PTPRO: variants seen among roughly 807,000 people sequenced by gnomAD.
PTPRO encodes receptor-type tyrosine-protein phosphatase O.
A neutral mutation model predicts 145.2 loss-of-function variants in PTPRO; 62 were observed. The ratio of observed to expected loss-of-function variants is 0.43; its 90% CI spans 0.35 to 0.53. The LOEUF (loss-of-function observed/expected upper bound fraction) is 0.53, where lower values mean the gene tolerates loss of function less well. PTPRO is among the 20% of genes least tolerant of loss of function. The probability of loss-of-function intolerance (pLI) is 0.01; values close to 1 mark genes in which losing one functional copy is unlikely to be tolerated. For synonymous variants in PTPRO, 565 were observed against 514.7 expected (o/e 1.10, Z -1.32); for missense variants, 1,345 against 1,482.7 (o/e 0.91, Z 1.53).
intron 12 of PTPRO, among the ~76,000 whole-genome samples, chr12:15,541,816 A>G (rs773703624): frequency 4.4e-4 from 67 of 152,172 alleles, no homozygotes; most frequent in Non-Finnish European, 8.8e-4. Context: ...GTTCGATACC[A>G]GCCTGGCCAA....
chr12:15,473,908 A>G (rs1356618567), intron 1 of PTPRO, among the ~76,000 whole-genome samples: 1 of 152,096 alleles, frequency 6.6e-6, no homozygotes, highest in Non-Finnish European at 1.5e-5. Flanking sequence ...CAAAAATTCC[A>G]TGAGTTTTAG....
intron 1 of PTPRO, among the ~76,000 whole-genome samples, chr12:15,437,888 C>T (rs1940643953): frequency 1.3e-5 from 2 of 152,200 alleles, no homozygotes; most frequent in Non-Finnish European, 1.5e-5. Context: ...TGGTCCCACC[C>T]TTTATGGCTC....
intron 14 of PTPRO, among the ~76,000 whole-genome samples, chr12:15,551,071 G>A (rs1441630572): frequency 1.3e-5 from 2 of 152,106 alleles, no homozygotes; most frequent in Non-Finnish European, 2.9e-5. Context: ...TTCAGCAGAT[G>A]GTAGTTTGCT....
Position 15,586,923 on chromosome 12 carries a change from T to C in PTPRO, c.3282T>C (p.His1094=). ...NYADEMQDVM[H]FNYTAWPDHG... Reference sequence around the variant, plus strand: ...CTGACGAGATGCAGGATGTGATGCATTTTAACTACACTGCATGGCCTGATC... The same window carrying C: ...CTGACGAGATGCAGGATGTGATGCACTTTAACTACACTGCATGGCCTGATC... Residue 1094 remains histidine, a synonymous_variant, in exon 24 of 27, where the codon CAT becomes CAC. Coordinates refer to ENST00000281171, the MANE Select transcript of PTPRO (RefSeq NM_030667.3). 6.2e-7 allele frequency: 1 copy of C among 1,614,110 alleles called. No homozygotes were observed. Among genetic ancestry groups the C allele is most frequent in the East Asian group, 2.2e-5 (1 of 44,864 alleles).
chr12:15,432,881 A>G (rs904703736), intron 1 of PTPRO, among the ~76,000 whole-genome samples: 1 of 152,112 alleles, frequency 6.6e-6, no homozygotes, highest in Non-Finnish European at 1.5e-5. Flanking sequence ...TAAGTTCCTT[A>G]TAGGTGCTGG....
Position 15,353,619 on chromosome 12 carries a change from A to G in PTPRO, c.75+30818A>G, listed in dbSNP as rs187803152. On this transcript the variant is annotated intron_variant, in intron 1 of 26. Transcript: ENST00000281171. ...ATTGTTGTGGTGGAGAAGCATTGTC[A>G]TGATGAAGCTTTCCTGGGCATTTTT... Among the ~76,000 whole-genome samples, 39 of 152,328 alleles carry G rather than the reference A, an allele frequency of 2.6e-4. No homozygotes were observed. In the East Asian group the frequency reaches 7.5e-3, roughly 29 times the overall value.
chr12:15,386,284 G>A (rs1418425508), intron 1 of PTPRO, among the ~76,000 whole-genome samples: 2 of 152,028 alleles, frequency 1.3e-5, no homozygotes, highest in African/African-American at 2.4e-5. Flanking sequence ...AATAGATGTT[G>A]TATTTAAATA....
intron 1 of PTPRO, among the ~76,000 whole-genome samples, chr12:15,426,371 CTTCTT>C (rs1591801162): frequency 6.6e-6 from 1 of 151,822 alleles, no homozygotes; most frequent in East Asian, 1.9e-4. Context: ...AGCTTTATCT[CTTCTT>C]TTGCAATGTT....
At position 15,515,707 on chromosome 12, in the gene PTPRO, C is replaced by T. The variant is rs377741968; in HGVS notation, c.1585+89C>T. 166 of 1,548,874 alleles carry T rather than the reference C, an allele frequency of 1.1e-4. 1 individual carries two copies. The highest frequency in any genetic ancestry group is 9.8e-4 in the South Asian group (88 of 89,440). On this transcript the variant is annotated intron_variant, in intron 8 of 26. Coordinates refer to ENST00000281171, the MANE Select transcript of PTPRO (RefSeq NM_030667.3). ...ATGTGCGAGCTCAAATCATTATCAT[C>T]GTATTTGGAAGGTCCATATTAGTTC...
In PTPRO at chr12:15,504,077, A is replaced by T; in HGVS notation, c.1267+8A>T. ...CACTCAGCTTTTATATCAGTAAGTA[A>T]CAAAGAGATCATTTTACACTTACTG... On this transcript the variant is annotated splice_region_variant and intron_variant, in intron 6 of 26. Transcript: ENST00000281171. 6.2e-7 allele frequency: 1 copy of T among 1,606,158 alleles called. No individual in the cohort carries two copies.
At chr12:15,397,657 GT>G (rs1421776076) in intron 1 of PTPRO, among the ~76,000 whole-genome samples, 1 of 152,162 alleles carries the variant, frequency 6.6e-6, no homozygotes. Context: ...TTTGGTCCTG[GT>G]TCATGTATCC....
intron 11 of PTPRO, 45 bp downstream of exon 11, chr12:15,525,010 T>C: frequency 6.2e-7 from 1 of 1,600,836 alleles, no homozygotes; most frequent in Non-Finnish European, 8.5e-7. Flanking sequence ...TAAATTTAGT[T>C]TTATGAACTA....
chr12:15,483,160 A>G (rs961294429), intron 1 of PTPRO, among the ~76,000 whole-genome samples: 2 of 152,016 alleles, frequency 1.3e-5, no homozygotes, highest in Non-Finnish European at 2.9e-5. Context: ...GATAAATTAA[A>G]CCCAAGCACA....
chr12:15,497,180 G>A (rs1942124123), intron 2 of PTPRO, 65 bp from the exon 3 acceptor site: 1 of 1,412,168 alleles, frequency 7.1e-7, no homozygotes, highest in East Asian at 2.3e-5. Context: ...CTTAATTCAA[G>A]TATTGATATC....
chr12:15,329,533 A>T (rs1250148485), intron 1 of PTPRO, among the ~76,000 whole-genome samples: 2 of 152,284 alleles, frequency 1.3e-5, no homozygotes, highest in East Asian at 3.9e-4. Flanking sequence ...TGGCTGGCCA[A>T]TCTTTCCCCA....
chr12:15,463,835 A>G (rs1258377730), intron 1 of PTPRO, among the ~76,000 whole-genome samples: 1 of 152,204 alleles, frequency 6.6e-6, no homozygotes, highest in East Asian at 1.9e-4. Context: ...CTGAACTATA[A>G]TAATAAAAAT....
rs566018948 is a variant in PTPRO, at chr12:15,526,619, ATATCT to A, written c.2164+360_2164+364del. ...TTAATATTATGTAATGCTCTCTTTA[ATATCT>A]TAAATAGTAATGGATTTAAAAATCT... On this transcript the variant is annotated intron_variant, in intron 12 of 26. Coordinates refer to ENST00000281171, the MANE Select transcript of PTPRO (RefSeq NM_030667.3). Among the ~76,000 whole-genome samples the A allele has an allele frequency of 4.8e-3, 737 of 152,332 alleles. 6 individuals carry two copies. The highest frequency in any genetic ancestry group is 0.017 in the African/African-American group (705 of 41,578).
chr12:15,497,189 T>C, intron 2 of PTPRO, 56 bp from the exon 3 acceptor site: 2 of 1,450,988 alleles, frequency 1.4e-6, no homozygotes, highest in Non-Finnish European at 1.9e-6. Flanking sequence ...AGTATTGATA[T>C]CGGCCTTTCT....
At chr12:15,379,572 A>G (rs1293135986) in intron 1 of PTPRO, among the ~76,000 whole-genome samples, 1 of 151,228 alleles carries the variant, frequency 6.6e-6, no homozygotes, top group Non-Finnish European at 1.5e-5. Context: ...AGAGACAAAT[A>G]TGATTTGGTA....
Sources: allele counts gnomAD v4.1 joint callset (sites outside exome capture counted in the v4.1 genomes callset), GRCh38; gene constraint gnomAD v4.1.1; transcripts MANE v1.5; gene names NCBI Gene and HGNC (gene_info 2026-07-23, HGNC 2026-07-21).